Variants in MAPK15 observed in about 807,000 individuals in gnomAD.
MAPK15 encodes ERK-7.
A neutral mutation model predicts 60.8 loss-of-function variants in MAPK15; 61 were observed. The observed-to-expected ratio is 1.00, with a 90% confidence interval of 0.82 to 1.24. The LOEUF (loss-of-function observed/expected upper bound fraction) is 1.24. Among genes scored for constraint, MAPK15 ranks in the 50% most tolerant of loss-of-function variants. MAPK15 has a pLI of 0.00. For synonymous variants in MAPK15, 356 were observed against 319.9 expected (o/e 1.11, Z -1.21); for missense variants, 808 against 741.1 (o/e 1.09, Z -1.05).
intron 4 of MAPK15, 189 bp from the exon 5 acceptor site, chr8:143,718,586 A>C: frequency 1.6e-6 from 1 of 635,324 alleles, no homozygotes; most frequent in South Asian, 1.9e-5. Context: ...GGCAACATGA[A>C]ATAAAGTGTT....
At position 143,720,327 on chromosome 8, in the gene MAPK15, A is replaced by T. The variant is rs1014459274; in HGVS notation, c.779+40A>T. ...TTCGGTGAGGGTGACAGGGTGGCCT[A>T]TCTCAAGGGAGCAGGGCCACCTTCC... On this transcript the variant is annotated intron_variant, in intron 8 of 13. Coordinates refer to ENST00000338033, the MANE Select transcript of MAPK15 (RefSeq NM_139021.3). This position sits in a 1 kb window ranked among gnomAD's most constrained non-coding sequence, Gnocchi z 4.6. The T allele has an allele frequency of 6.5e-7, 1 of 1,536,286 alleles. No homozygotes were observed. Among genetic ancestry groups the T allele is most frequent in the Non-Finnish European group, 8.8e-7 (1 of 1,138,326 alleles).
intron 1 of MAPK15, 124 bp downstream of exon 1, chr8:143,716,567 C>A: frequency 1.2e-6 from 1 of 805,924 alleles, no homozygotes; most frequent in Non-Finnish European, 1.8e-6. Flanking sequence ...CTGCCTCCTC[C>A]GTAGGCGGGA....
At chr8:143,719,725 C>T (rs1196448151) in intron 7 of MAPK15, among the ~76,000 whole-genome samples, 2 of 152,208 alleles carry the variant, frequency 1.3e-5, no homozygotes, top group Middle Eastern at 3.4e-3. Flanking sequence ...AAGCAGTGAC[C>T]GTGAAGGGGC....
Position 143,722,112 on chromosome 8 carries a change from G to A in MAPK15, c.1496G>A (p.Arg499Gln), listed in dbSNP as rs924630192. The A allele has an allele frequency of 9.3e-6, 15 of 1,612,350 alleles. No homozygotes were observed. The highest frequency in any genetic ancestry group is 5.0e-5 in the Admixed American group (3 of 59,968). The change falls in exon 14 of 14, where the codon CGG becomes CAG. Residue 499 changes from arginine to glutamine, a missense_variant. By Grantham distance (43) the Arg-to-Gln change is conservative. Coordinates refer to ENST00000338033, the MANE Select transcript of MAPK15 (RefSeq NM_139021.3). ...CTTCCTCCGGAGGCCCGGCCCGGCC[G>A]GAGGATGTTCAGCACCTCTGCCTTG... ...PRLPPEARPG[R>Q]RMFSTSALQG...
intron 11 of MAPK15, 37 bp downstream of exon 11, chr8:143,721,448 G>GC: frequency 6.2e-7 from 1 of 1,609,170 alleles, no homozygotes; most frequent in Middle Eastern, 1.7e-4. Context: ...GCGGAGCACG[G>GC]CCCGGGCCCC....
chr8:143,721,734 T>A lies in MAPK15; in HGVS notation c.1330-18T>A, dbSNP rs1554619942. On this transcript the variant is annotated intron_variant, in intron 12 of 13. Transcript: ENST00000338033. ...TCCTCTGCACCTTTCAGTGACCCTG[T>A]GACATGGCCCTTCCCAGGTGAAGCC... 1 of 1,613,542 alleles carries A rather than the reference T, an allele frequency of 6.2e-7. No individual in the cohort carries two copies.
chr8:143,722,127 C>T lies in MAPK15; in HGVS notation c.1511C>T (p.Thr504Ile), dbSNP rs1554620167. The T allele has an allele frequency of 6.2e-7, 1 of 1,612,488 alleles. No homozygotes were observed. The highest frequency in any genetic ancestry group is 8.5e-7 in the Non-Finnish European group (1 of 1,179,836). ...CGGCCCGGCCGGAGGATGTTCAGCACCTCTGCCTTGCAGGGTGCCCAGGGG... is the reference window on the plus strand; with the variant it reads ...CGGCCCGGCCGGAGGATGTTCAGCATCTCTGCCTTGCAGGGTGCCCAGGGG... Reference protein sequence around the residue: ...EARPGRRMFSTSALQGAQGGA... With the variant: ...EARPGRRMFSISALQGAQGGA... Residue 504 changes from threonine to isoleucine, a missense_variant, in exon 14 of 14, where the codon ACC (threonine) becomes ATC (isoleucine). Thr to Ile is a moderately conservative substitution (Grantham distance 89, BLOSUM62 -1). Coordinates refer to ENST00000338033, the MANE Select transcript of MAPK15 (RefSeq NM_139021.3).
rs782674568 is a variant in MAPK15 at position 143,720,710 on chromosome 8, C to G, written c.787C>G (p.Gln263Glu). The G allele has an allele frequency of 6.2e-7, 1 of 1,611,544 alleles. No individual in the cohort carries two copies. The stretch of plus-strand genomic sequence containing the variant: ...ACACACGGCAGCCCACAGGCCACGA[C>G]AGACGCTGGATGCCCTCCTACCGCC... ...VLHQLGSRPR[Q>E]TLDALLPPDT... Residue 263 changes from glutamine (Q) to glutamate (E), a missense_variant, in exon 9 of 14, where the codon CAG (glutamine) becomes GAG (glutamate). By Grantham distance (29) the Gln-to-Glu change is conservative (BLOSUM62 2). Coordinates refer to ENST00000338033, the MANE Select transcript of MAPK15 (RefSeq NM_139021.3). The surrounding 1 kb of genome is among the most constrained non-coding windows in gnomAD (Gnocchi z 4.6).
Position 143,718,986 on chromosome 8 carries a change from T to G in MAPK15, c.418-7T>G. On this transcript the variant is annotated splice_region_variant and splice_polypyrimidine_tract_variant and intron_variant, in intron 5 of 13. Coordinates refer to ENST00000338033, the MANE Select transcript of MAPK15 (RefSeq NM_139021.3). The stretch of plus-strand genomic sequence containing the variant: ...CCCCGGGGCCTCAGCCTGCCTCCTC[T>G]CTGCAGCCGTCCAATGTGCTCCTGG... 6.2e-7 allele frequency: 1 copy of G among 1,605,708 alleles called. No homozygotes were observed. The highest frequency in any genetic ancestry group is 8.5e-7 in the Non-Finnish European group (1 of 1,176,324).
chr8:143,718,848 G>GCC lies in MAPK15; in HGVS notation c.361_362insCC (p.Leu121ProfsTer32), dbSNP rs1554619034. 1 of 1,612,206 alleles carries GCC rather than the reference G, an allele frequency of 6.2e-7. No homozygotes were observed. The highest frequency in any genetic ancestry group is 1.1e-5 in the South Asian group (1 of 90,962). On this transcript the variant is annotated frameshift_variant, in exon 5 of 14. Coordinates refer to ENST00000338033, the MANE Select transcript of MAPK15 (RefSeq NM_139021.3). LOFTEE classifies it high-confidence loss of function. Reference sequence around the variant, plus strand: ...TCCACGTGCGCTCCATCTTCTACCAGCTCCTGCGGGCCACCCGGTTCCTCC... The same window carrying GCC: ...TCCACGTGCGCTCCATCTTCTACCAGCCCTCCTGCGGGCCACCCGGTTCCTCC...
At chr8:143,716,879 G>C (rs1161642871) in intron 1 of MAPK15, among the ~76,000 whole-genome samples, 2 of 152,154 alleles carry the variant, frequency 1.3e-5, no homozygotes, top group Admixed American at 6.5e-5. Context: ...CAGAGTGAAG[G>C]GCAGAGCCTT....
chr8:143,721,174 A>AC (rs1277670295), intron 10 of MAPK15, 57 bp from the exon 11 acceptor site: 1 of 1,589,680 alleles, frequency 6.3e-7, no homozygotes, highest in Non-Finnish European at 8.6e-7. Flanking sequence ...TATGTCAGAG[A>AC]CCCCCAAACG....
chr8:143,716,477 G>T (rs782169709), intron 1 of MAPK15, 34 bp downstream of exon 1: 1 of 1,585,772 alleles, frequency 6.3e-7, no homozygotes, highest in Non-Finnish European at 8.6e-7. Flanking sequence ...CGCGCCGAGG[G>T]GCGCGGCAGA....
chr8:143,719,014 G>A lies in MAPK15; in HGVS notation c.439G>A (p.Ala147Thr), dbSNP rs782007334. ...DQKPSNVLLD[A>T]NCTVKLCDFG... ...GCAGCCGTCCAATGTGCTCCTGGAT[G>A]CCAACTGCACAGTGAAGCTGTGTGA... is the stretch of plus-strand genomic sequence containing the variant. The change falls in exon 6 of 14, where the codon GCC (alanine) becomes ACC (threonine). Residue 147 changes from alanine (A) to threonine (T), a missense_variant. Physicochemically the swap from Ala to Thr is moderately conservative, Grantham distance 58 (BLOSUM62 0). Transcript: ENST00000338033. The A allele has an allele frequency of 7.5e-6, 12 of 1,606,866 alleles. No individual in the cohort carries two copies. The highest frequency in any genetic ancestry group is 9.3e-6 in the Non-Finnish European group (11 of 1,177,330).
chr8:143,717,467 GCCT>G (rs560126440), intron 1 of MAPK15, among the ~76,000 whole-genome samples: 73 of 152,240 alleles, frequency 4.8e-4, no homozygotes, highest in African/African-American at 1.6e-3. Context: ...CCCCTCTGTG[GCCT>G]CCTTTCCTCC....
chr8:143,718,353 C>A (rs781917390), intron 4 of MAPK15, 51 bp downstream of exon 4: 1 of 1,550,978 alleles, frequency 6.4e-7, no homozygotes, highest in East Asian at 2.2e-5. Flanking sequence ...TCTGTCCTGA[C>A]GCCGTCTGCG....
chr8:143,718,952 C>T (rs782350844), intron 5 of MAPK15, 41 bp from the exon 6 acceptor site: 1 of 1,598,052 alleles, frequency 6.3e-7, no homozygotes, highest in African/African-American at 1.3e-5. Context: ...GGCTCCCGGC[C>T]CCACCCAGCC....
At position 143,721,229 on chromosome 8, in the gene MAPK15, A is replaced by G; in HGVS notation, c.1024-2A>G. On this transcript the variant is annotated splice_acceptor_variant, in intron 10 of 13. Coordinates refer to ENST00000338033, the MANE Select transcript of MAPK15 (RefSeq NM_139021.3). LOFTEE classifies it high-confidence loss of function. ...CCTCTGAGCACCCTTCCCCTCCCGC[A>G]GATGATCCTGGAGTGTGGAGGCAGC... 6 of 1,606,728 alleles carry G rather than the reference A, an allele frequency of 3.7e-6. No homozygotes were observed. The highest frequency in any genetic ancestry group is 4.3e-6 in the Non-Finnish European group (5 of 1,176,384).
chr8:143,721,220 C>T lies in MAPK15; in HGVS notation c.1024-11C>T, dbSNP rs1554619721. 1.2e-6 allele frequency: 2 copies of T among 1,603,836 alleles called. No individual in the cohort carries two copies. Among genetic ancestry groups the T allele is most frequent in the Non-Finnish European group, 8.5e-7 (1 of 1,174,858 alleles). Reference sequence around the variant, plus strand: ...AGGCTGTGACCTCTGAGCACCCTTCCCCTCCCGCAGATGATCCTGGAGTGT... The same window carrying T: ...AGGCTGTGACCTCTGAGCACCCTTCTCCTCCCGCAGATGATCCTGGAGTGT... On this transcript the variant is annotated splice_polypyrimidine_tract_variant and intron_variant, in intron 10 of 13. Coordinates refer to ENST00000338033, the MANE Select transcript of MAPK15 (RefSeq NM_139021.3).
Sources: gnomAD v4.1 joint callset for allele counts (sites outside exome capture counted in the v4.1 genomes callset) on GRCh38, gnomAD v4.1.1 for gene constraint, Gnocchi (gnomAD v3.1) non-coding constraint, MANE v1.5 for transcripts, NCBI Gene and HGNC (gene_info 2026-07-23, HGNC 2026-07-21) for gene names.